The following DOCK11 variants were observed in gnomAD, a reference collection of about 807,000 sequenced individuals.
DOCK11 encodes dedicator of cytokinesis 11.
In DOCK11, 70 loss-of-function variants were observed where a neutral mutation model predicts 169.1. The ratio of observed to expected loss-of-function variants is 0.41; its 90% CI spans 0.34 to 0.51. DOCK11 has a LOEUF of 0.51. Among genes scored for constraint, DOCK11 ranks in the 20% least tolerant of loss-of-function variants. The probability of loss-of-function intolerance (pLI) is 0.10; values close to 1 mark genes in which losing one functional copy is unlikely to be tolerated. For synonymous variants in DOCK11, 529 were observed against 541.3 expected, an observed-to-expected ratio of 0.98 and a Z score of 0.32; for missense variants, 1,166 against 1,538.8, an observed-to-expected ratio of 0.76 and a Z score of 4.05.
chrX:118,512,901 G>A (rs2057658859), intron 1 of DOCK11, among the ~76,000 whole-genome samples: 1 of 112,054 alleles, frequency 8.9e-6, no homozygotes, highest in South Asian at 3.7e-4. Flanking sequence ...AGCCCCCACT[G>A]GGACTGGCTT....
At chrX:118,599,025 C>T in intron 22 of DOCK11, 114 bp from the exon 23 acceptor site, 1 of 573,155 alleles carries the variant, frequency 1.7e-6, no homozygotes. Context: ...TGAGCCTGGG[C>T]ATTAGAATAC....
chrX:118,669,519 T>C (rs1235067480), intron 45 of DOCK11, among the ~76,000 whole-genome samples: 2 of 111,633 alleles, frequency 1.8e-5, no homozygotes, highest in Admixed American at 9.4e-5. Flanking sequence ...TGCCCTTACG[T>C]GATGGAAGGG....
chrX:118,648,905 T>A, intron 40 of DOCK11, 40 bp from the exon 41 acceptor site: 1 of 1,109,940 alleles, frequency 9.0e-7, no homozygotes, highest in East Asian at 3.1e-5. Flanking sequence ...ATTTTATGAT[T>A]GGATTTTAAA....
In DOCK11 at chrX:118,654,747, C is replaced by T. The variant is rs764343134; in HGVS notation, c.4841C>T (p.Thr1614Ile). 1.7e-6 allele frequency: 2 copies of T among 1,211,742 alleles called. No homozygotes were observed. Among genetic ancestry groups the T allele is most frequent in the South Asian group, 3.5e-5 (2 of 57,001 alleles). Residue 1614 changes from threonine to isoleucine, a missense_variant, in exon 43 of 53, where the codon ACC (threonine) becomes ATC (isoleucine). Thr to Ile is a moderately conservative substitution (Grantham distance 89). Transcript: ENST00000276202. ...QYSLAKSYAS[T>I]PELRKTWLDS... is the part of the protein sequence containing the mutation. ...AGCTTAGCCAAGTCCTATGCAAGCACCCCAGAGCTCAGGAAAACCTGGCTT... is the reference window on the plus strand; with the variant it reads ...AGCTTAGCCAAGTCCTATGCAAGCATCCCAGAGCTCAGGAAAACCTGGCTT...
At chrX:118,523,156 C>G (rs1386971418) in intron 1 of DOCK11, among the ~76,000 whole-genome samples, 1 of 112,391 alleles carries the variant, frequency 8.9e-6, no homozygotes, top group African/African-American at 3.2e-5. Flanking sequence ...TCCTCCTGTC[C>G]TACATTTTCT....
chrX:118,523,740 C>T (rs2011312027), intron 1 of DOCK11, among the ~76,000 whole-genome samples: 1 of 111,588 alleles, frequency 9.0e-6, no homozygotes. Context: ...TGCTTTTTCT[C>T]ATTGCCTGTG....
At chrX:118,572,763 T>C (rs112586666) in intron 11 of DOCK11, among the ~76,000 whole-genome samples, 1,207 of 112,066 alleles carry the variant, frequency 0.011, 6 homozygotes, top group African/African-American at 0.037. Flanking sequence ...TCTCTTTCTT[T>C]TGCCAAAATA....
chrX:118,553,766 A>G (rs2012584145), intron 6 of DOCK11, among the ~76,000 whole-genome samples: 1 of 112,184 alleles, frequency 8.9e-6, no homozygotes, highest in Admixed American at 9.5e-5. Flanking sequence ...CAAAAGGAAG[A>G]GAAAATATTT....
chrX:118,535,700 G>A lies in DOCK11; in HGVS notation c.103-7025G>A, dbSNP rs149681422. ...GGAAAGTATGACTTTTCCCTTAGCC[G>A]TTTACTTTAAGAAAGGTCAGTGTCC... is the stretch of plus-strand genomic sequence containing the variant. On this transcript the variant is annotated intron_variant, in intron 1 of 52. Transcript: ENST00000276202. Among the ~76,000 whole-genome samples, 806 of 111,690 alleles carry A rather than the reference G, an allele frequency of 7.2e-3. 3 individuals are homozygous for A. Among genetic ancestry groups the A allele is most frequent in the African/African-American group, 0.025 (760 of 30,764 alleles).
rs2094744090 is a variant in DOCK11, at chrX:118,624,544, A to C, written c.3477A>C (p.Gln1159His). The change falls in exon 32 of 53, where the codon CAA becomes CAC. Residue 1159 changes from glutamine (Q) to histidine (H), a missense_variant. Gln to His is a conservative substitution (Grantham distance 24). Coordinates refer to ENST00000276202, the MANE Select transcript of DOCK11 (RefSeq NM_144658.4). ...AFDTRYQHKN[Q>H]QAKIAQLYLP... ...TTTCAATAATTATTTTTCAGAACCA[A>C]CAAGCCAAAATAGCACAATTGTACC... 1 of 1,191,771 alleles carries C rather than the reference A, an allele frequency of 8.4e-7. No individual in the cohort carries two copies. The highest frequency in any genetic ancestry group is 1.8e-5 in the African/African-American group (1 of 56,604).
intron 30 of DOCK11, among the ~76,000 whole-genome samples, chrX:118,618,336 A>G (rs1029399244): frequency 8.9e-6 from 1 of 112,087 alleles, no homozygotes; most frequent in Non-Finnish European, 1.9e-5. Flanking sequence ...TGAAATGATC[A>G]TTAAAGCTAT....
chrX:118,674,763 G>A (rs1162292204), intron 46 of DOCK11, among the ~76,000 whole-genome samples: 1 of 112,135 alleles, frequency 8.9e-6, no homozygotes, highest in Non-Finnish European at 1.9e-5. Context: ...CACAGTGGCT[G>A]TACCGTTTTA....
At chrX:118,562,737 G>A (rs1044175747) in intron 7 of DOCK11, among the ~76,000 whole-genome samples, 3 of 111,455 alleles carry the variant, frequency 2.7e-5, no homozygotes, top group Non-Finnish European at 3.8e-5. Flanking sequence ...TTCTATTCCC[G>A]TTTGAACCTT....
In DOCK11 at chrX:118,622,248, A is replaced by T. The variant is rs572943964; in HGVS notation, c.3472-2291A>T. On this transcript the variant is annotated intron_variant, in intron 31 of 52. Transcript: ENST00000276202. ...GTTTATTTATACTTCTATTTTATAT[A>T]AGCACAAGCCTATATGACATATATG... 1.9e-4 allele frequency among the ~76,000 whole-genome samples: 21 copies of T among 112,473 alleles called. No individual in the cohort carries two copies. In the South Asian group the frequency reaches 7.6e-3, roughly 41 times the overall value.
chrX:118,500,559 T>A (rs937523290), intron 1 of DOCK11, among the ~76,000 whole-genome samples: 12 of 111,552 alleles, frequency 1.1e-4, no homozygotes, highest in Non-Finnish European at 1.7e-4. Flanking sequence ...TATCTATACA[T>A]ACATATACAT....
chrX:118,544,922 C>T (rs1251328471), intron 4 of DOCK11, among the ~76,000 whole-genome samples: 1 of 107,729 alleles, frequency 9.3e-6, no homozygotes, highest in African/African-American at 3.4e-5. Flanking sequence ...CCACCCGCCT[C>T]TGCCTCCCAA....
At chrX:118,618,295 A>G (rs1194068809) in intron 30 of DOCK11, among the ~76,000 whole-genome samples, 1 of 111,350 alleles carries the variant, frequency 9.0e-6, no homozygotes, top group East Asian at 2.8e-4. Context: ...AATCTAGGGG[A>G]AAAAAAAGAA....
chrX:118,527,331 G>T (rs750060299), intron 1 of DOCK11, among the ~76,000 whole-genome samples: 18 of 112,258 alleles, frequency 1.6e-4, no homozygotes, highest in Non-Finnish European at 2.8e-4. Flanking sequence ...CACATAGCCT[G>T]TTGAAATCCT....
chrX:118,566,550 C>G (rs905249912), intron 8 of DOCK11, 24 bp from the exon 9 acceptor site: 1 of 1,194,414 alleles, frequency 8.4e-7, no homozygotes, highest in African/African-American at 1.8e-5. Context: ...TGGTTTAGAA[C>G]ATCTGCTTTT....
Sources: gnomAD v4.1 joint callset for allele counts (sites outside exome capture counted in the v4.1 genomes callset) on GRCh38, gnomAD v4.1.1 for gene constraint, MANE v1.5 for transcripts, NCBI Gene and HGNC (gene_info 2026-07-23, HGNC 2026-07-21) for gene names.